COL23A1: variants seen among roughly 807,000 people sequenced by gnomAD.
COL23A1 encodes the protein collagen type XXIII alpha 1 chain.
COL23A1 carries 97 observed loss-of-function variants against 99.3 expected under a neutral mutation model. The observed-to-expected ratio is 0.98, with a 90% CI of 0.83 to 1.16. The LOEUF (loss-of-function observed/expected upper bound fraction) is 1.16. COL23A1 is among the 50% of genes most tolerant of loss of function. The probability of loss-of-function intolerance (pLI) is 0.00; values close to 1 mark genes in which losing one functional copy is unlikely to be tolerated. For missense variants in COL23A1, 762 were observed against 757.4 expected (o/e 1.01, Z -0.07); for synonymous variants, 320 against 308.2 (o/e 1.04, Z -0.40).
chr5:178,577,452 A>G (rs757141038), intron 1 of COL23A1, among the ~76,000 whole-genome samples: 3 of 152,198 alleles, frequency 2.0e-5, no homozygotes, highest in Admixed American at 6.5e-5. Context: ...GATTCAGCCC[A>G]TGACACCGCC....
At chr5:178,585,664 CACTCCACA>C (rs1562115254) in intron 1 of COL23A1, among the ~76,000 whole-genome samples, 2 of 6,938 alleles carry the variant, frequency 2.9e-4, no homozygotes, top group African/African-American at 1.1e-3. Context: ...GCTGGGGTAA[CACTCCACA>C]GCCCTGGATG....
Position 178,334,891 on chromosome 5 carries a change from G to A in COL23A1, c.362-27972C>T, listed in dbSNP as rs115002902. 4.9e-3 allele frequency among the ~76,000 whole-genome samples: 748 copies of A among 152,356 alleles called. 9 individuals carry two copies. In the Middle Eastern group the frequency reaches 0.054, roughly 11 times the overall value. Reference sequence around the variant, plus strand: ...GTGTCACACACTTAGTGGGTAATGAGGTGACATCCTCAGATCCAGGCAGCT... The same window carrying A: ...GTGTCACACACTTAGTGGGTAATGAAGTGACATCCTCAGATCCAGGCAGCT... On this transcript the variant is annotated intron_variant, in intron 2 of 28. Transcript: ENST00000390654.
intron 16 of COL23A1, among the ~76,000 whole-genome samples, chr5:178,254,567 C>A (rs1765205557): frequency 6.6e-6 from 1 of 152,196 alleles, no homozygotes; most frequent in African/African-American, 2.4e-5. Context: ...GGGGGCAGAG[C>A]TTGCCACTCT....
At chr5:178,358,709 G>A (rs1164463700) in intron 2 of COL23A1, among the ~76,000 whole-genome samples, 1 of 147,238 alleles carries the variant, frequency 6.8e-6, no homozygotes, top group Non-Finnish European at 1.5e-5. Flanking sequence ...GTGTATGTGT[G>A]TATGTGTGTA....
At chr5:178,438,646 A>C (rs544502392) in intron 2 of COL23A1, 1 of 152,308 alleles carries the variant, frequency 6.6e-6, no homozygotes, top group South Asian at 2.1e-4. Flanking sequence ...CGTGCAGTGG[A>C]ATCTGGTTTT....
rs1006845423 is a variant in COL23A1 at position 178,468,447 on chromosome 5, C to T, written c.361+92235G>A. Among the ~76,000 whole-genome samples the T allele has an allele frequency of 3.9e-5, 6 of 152,180 alleles. No individual in the cohort carries two copies. Among genetic ancestry groups the T allele is most frequent in the African/African-American group, 1.2e-4 (5 of 41,446 alleles). ...GCAAGAATATCAACAACCACGGCTC[C>T]GTCTCCTGTGGGCTAGACACTGCCT... On this transcript the variant is annotated intron_variant, in intron 2 of 28. Coordinates refer to ENST00000390654, the MANE Select transcript of COL23A1 (RefSeq NM_173465.4). This position sits in a 1 kb window ranked among gnomAD's most constrained non-coding sequence, Gnocchi z 4.2.
In COL23A1 at chr5:178,374,868, C is replaced by T. The variant is rs187601409; in HGVS notation, c.362-67949G>A. ...CCTGAGACTCAGAAATTCCACTCCT[C>T]GAGGCATCAGGAGTCAAATTATTGA... On this transcript the variant is annotated intron_variant, in intron 2 of 28. Transcript: ENST00000390654. Among the ~76,000 whole-genome samples the T allele has an allele frequency of 1.9e-3, 288 of 152,240 alleles. 2 individuals are homozygous for T. The highest frequency in any genetic ancestry group is 0.012 in the South Asian group (56 of 4,822).
intron 1 of COL23A1, chr5:178,561,771 T>C: frequency 5.5e-6 from 1 of 180,954 alleles, no homozygotes; most frequent in Non-Finnish European, 1.2e-5. Context: ...ACCGAGGGCT[T>C]CCTGTTCAAA....
intron 2 of COL23A1, among the ~76,000 whole-genome samples, chr5:178,409,704 T>C (rs1764965103): frequency 6.6e-6 from 1 of 152,168 alleles, no homozygotes. Context: ...GAAGAATAAA[T>C]TGACAATATA....
At chr5:178,399,536 G>T in intron 2 of COL23A1, among the ~76,000 whole-genome samples, 1 of 152,208 alleles carries the variant, frequency 6.6e-6, no homozygotes, top group East Asian at 1.9e-4. Flanking sequence ...GCAGCTGACG[G>T]CAGGCTGTCA....
At chr5:178,378,452 A>AG (rs1763199943) in intron 2 of COL23A1, among the ~76,000 whole-genome samples, 1 of 152,178 alleles carries the variant, frequency 6.6e-6, no homozygotes, top group South Asian at 2.1e-4. Context: ...CAAGAAGGGC[A>AG]GGGCTGGGAA....
chr5:178,290,479 C>A, intron 3 of COL23A1, 110 bp from the exon 4 acceptor site: 9 of 1,400,054 alleles, frequency 6.4e-6, no homozygotes, highest in Non-Finnish European at 8.1e-6. Context: ...GGCCACCTCT[C>A]CCCGGAAGGC....
intron 2 of COL23A1, among the ~76,000 whole-genome samples, chr5:178,503,611 T>C (rs1423822369): frequency 6.6e-6 from 1 of 152,140 alleles, no homozygotes; most frequent in African/African-American, 2.4e-5. Flanking sequence ...GATACAATTA[T>C]GTGCACGTAT....
chr5:178,547,471 A>ACCCACCCC (rs1761650612), intron 2 of COL23A1, among the ~76,000 whole-genome samples: 1 of 135,572 alleles, frequency 7.4e-6, no homozygotes. Flanking sequence ...ACACACACCC[A>ACCCACCCC]CACACCCACA....
intron 2 of COL23A1, among the ~76,000 whole-genome samples, chr5:178,444,747 G>T (rs182781654): frequency 6.6e-6 from 1 of 152,324 alleles, no homozygotes; most frequent in Non-Finnish European, 1.5e-5. Flanking sequence ...AGTGAGCTGA[G>T]ATGGCGCCAC....
intron 2 of COL23A1, among the ~76,000 whole-genome samples, chr5:178,514,018 C>T (rs1469293725): frequency 1.3e-5 from 2 of 152,162 alleles, no homozygotes; most frequent in Non-Finnish European, 2.9e-5. Flanking sequence ...AGAACTTCTT[C>T]ATGTTGCAAA....
Position 178,365,667 on chromosome 5 carries a change from G to A in COL23A1, c.362-58748C>T, listed in dbSNP as rs934915477. 2.6e-5 allele frequency among the ~76,000 whole-genome samples: 4 copies of A among 152,110 alleles called. No homozygotes were observed. Among genetic ancestry groups the A allele is most frequent in the Non-Finnish European group, 5.9e-5 (4 of 68,024 alleles). ...ATGCAGTGGCCCCTCTCTTCTCCTC[G>A]ACAACTGCGTGCTGTTCCCGGCAGA... On this transcript the variant is annotated intron_variant, in intron 2 of 28. Coordinates refer to ENST00000390654, the MANE Select transcript of COL23A1 (RefSeq NM_173465.4). This position sits in a 1 kb window ranked among gnomAD's most constrained non-coding sequence, Gnocchi z 5.2.
At chr5:178,486,716 T>C (rs1757651431) in intron 2 of COL23A1, among the ~76,000 whole-genome samples, 1 of 152,096 alleles carries the variant, frequency 6.6e-6, no homozygotes, top group South Asian at 2.1e-4. Context: ...CAAAGCGTAC[T>C]TCAGACATGC....
chr5:178,518,518 G>A lies in COL23A1; in HGVS notation c.361+42164C>T, dbSNP rs1166173402. Among the ~76,000 whole-genome samples the A allele has an allele frequency of 6.9e-3, 1,051 of 151,284 alleles. 4 individuals are homozygous for A. The highest frequency in any genetic ancestry group is 0.024 in the African/African-American group (986 of 41,000). ...CCTCCCGGACGGGGTGGCTGGCCGGGCAGAGGGGCTCCTCACTTCTCAGAC... is the reference window on the plus strand; with the variant it reads ...CCTCCCGGACGGGGTGGCTGGCCGGACAGAGGGGCTCCTCACTTCTCAGAC... On this transcript the variant is annotated intron_variant, in intron 2 of 28. Coordinates refer to ENST00000390654, the MANE Select transcript of COL23A1 (RefSeq NM_173465.4).
Sources: allele counts gnomAD v4.1 joint callset (sites outside exome capture counted in the v4.1 genomes callset), GRCh38; gene constraint gnomAD v4.1.1; non-coding constraint Gnocchi (gnomAD v3.1); transcripts MANE v1.5; gene names NCBI Gene and HGNC (gene_info 2026-07-23, HGNC 2026-07-21).